Variants in UGT1A10 observed in about 807,000 individuals in gnomAD.
UGT1A10 encodes UDP-glucuronosyltransferase 1A10.
Under a neutral mutation model 45.8 loss-of-function variants are expected in UGT1A10, and 49 were observed. That is an observed-to-expected ratio of 1.07 (90% CI 0.85 to 1.36). UGT1A10 has a LOEUF of 1.36. UGT1A10 is among the 40% of genes most tolerant of loss of function. The pLI, the probability that UGT1A10 is intolerant of heterozygous loss-of-function variation, is 0.00. For synonymous variants in UGT1A10, 284 were observed against 249.7 expected (o/e 1.14, Z -1.29); for missense variants, 745 against 668.6 (o/e 1.11, Z -1.26).
chr2:233,641,204 G>T (rs2073443272), intron 1 of UGT1A10, among the ~76,000 whole-genome samples: 1 of 152,070 alleles, frequency 6.6e-6, no homozygotes, highest in South Asian at 2.1e-4. Context: ...TAATAAATCT[G>T]CCTTTCTTTA....
rs760166727 is a variant in UGT1A10 at position 233,760,242 on chromosome 2, A to G, written c.856-6792A>G. ...ATCGATTGGTTTTTGCCATATATAT[A>G]TATATAAGTAGGAGAGGGCGAACCT... On this transcript the variant is annotated intron_variant, in intron 1 of 4. Coordinates refer to ENST00000344644, the MANE Select transcript of UGT1A10 (RefSeq NM_019075.4). The G allele has an allele frequency of 7.2e-5, 116 of 1,607,556 alleles. 3 individuals carry two copies. The Admixed American group carries it at 1.9e-3, about 26-fold the overall frequency.
chr2:233,733,827 G>A (rs1305233298), intron 1 of UGT1A10, among the ~76,000 whole-genome samples: 1 of 152,118 alleles, frequency 6.6e-6, no homozygotes, highest in African/African-American at 2.4e-5. Flanking sequence ...CATAAAATGA[G>A]TTAGGGAGGA....
At chr2:233,669,128 T>C (rs2074132714) in intron 1 of UGT1A10, among the ~76,000 whole-genome samples, 1 of 152,218 alleles carries the variant, frequency 6.6e-6, no homozygotes, top group Non-Finnish European at 1.5e-5. Flanking sequence ...CTGTGCACCT[T>C]TGAAAAAACT....
intron 1 of UGT1A10, chr2:233,682,579 G>C: frequency 6.2e-7 from 1 of 1,613,874 alleles, no homozygotes; most frequent in Non-Finnish European, 8.5e-7. Context: ...TCATGCACTT[G>C]GAGGAACATT....
rs529320907 is a variant in UGT1A10 at position 233,713,045 on chromosome 2, T to C, written c.856-53989T>C. The C allele has an allele frequency of 6.2e-6, 10 of 1,614,044 alleles. No homozygotes were observed. The Admixed American group carries it at 6.7e-5, about 11-fold the overall frequency. ...CGCAGCTGGCCACAGGACTGCTGCT[T>C]CTCCTCAGTGTCCAGCCCTGGGCTG... On this transcript the variant is annotated intron_variant, in intron 1 of 4. Coordinates refer to ENST00000344644, the MANE Select transcript of UGT1A10 (RefSeq NM_019075.4).
chr2:233,761,518 T>G (rs780967719), intron 1 of UGT1A10, among the ~76,000 whole-genome samples: 1 of 152,242 alleles, frequency 6.6e-6, no homozygotes, highest in Non-Finnish European at 1.5e-5. Flanking sequence ...GCAGGCAATG[T>G]TCAGGACTGA....
chr2:233,663,492 TG>T (rs1213880247), intron 1 of UGT1A10, among the ~76,000 whole-genome samples: 1 of 152,094 alleles, frequency 6.6e-6, no homozygotes, highest in Non-Finnish European at 1.5e-5. Context: ...TGGTGCCAGC[TG>T]ATCCATCAAG....
chr2:233,762,295 C>T (rs898920191), intron 1 of UGT1A10, among the ~76,000 whole-genome samples: 2 of 152,172 alleles, frequency 1.3e-5, no homozygotes, highest in South Asian at 2.1e-4. Context: ...AGGTGCCAAC[C>T]GAGGTCTAGT....
intron 1 of UGT1A10, among the ~76,000 whole-genome samples, chr2:233,641,638 G>A (rs931540313): frequency 6.6e-6 from 1 of 152,088 alleles, no homozygotes; most frequent in African/African-American, 2.4e-5. Context: ...TTGCTCATGA[G>A]CTTCCTTTTC....
At chr2:233,745,811 G>C (rs148112408) in intron 1 of UGT1A10, among the ~76,000 whole-genome samples, 1 of 151,496 alleles carries the variant, frequency 6.6e-6, no homozygotes, top group East Asian at 1.9e-4. Flanking sequence ...CCAGAGTTTT[G>C]AGAGCAAGGC....
At chr2:233,649,172 GTT>G in intron 1 of UGT1A10, 1 of 437,426 alleles carries the variant, frequency 2.3e-6, no homozygotes, top group Non-Finnish European at 3.6e-6. Context: ...CCATCCACGT[GTT>G]TGTTGGTTAG....
At chr2:233,666,087 C>A (rs2074070661) in intron 1 of UGT1A10, among the ~76,000 whole-genome samples, 1 of 152,240 alleles carries the variant, frequency 6.6e-6, no homozygotes. Context: ...GAGACTCAGG[C>A]TACTTCCACT....
Position 233,769,821 on chromosome 2 carries a change from C to A in UGT1A10, c.1295+1382C>A. The A allele has an allele frequency of 5.1e-6, 4 of 785,016 alleles. No individual in the cohort carries two copies. The highest frequency in any genetic ancestry group is 7.3e-6 in the Non-Finnish European group (4 of 547,448). 48.6% of individuals were successfully genotyped at this position (785,016 alleles called of 1,614,324 possible). A position where few individuals can be genotyped will look rare whatever the true frequency, so the allele number is the denominator to read the frequency against. On this transcript the variant is annotated intron_variant, in intron 4 of 4. Coordinates refer to ENST00000344644, the MANE Select transcript of UGT1A10 (RefSeq NM_019075.4). The surrounding 1 kb of genome is among the most constrained non-coding windows in gnomAD (Gnocchi z 4.4). ...TATGAGCCGTGATCATGCCACTGCA[C>A]TCCAGCAACCTGGGCAACAGAGTGA...
At chr2:233,732,755 G>GTT (rs956485327) in intron 1 of UGT1A10, among the ~76,000 whole-genome samples, 69 of 120,202 alleles carry the variant, frequency 5.7e-4, no homozygotes, top group African/African-American at 1.5e-3. Context: ...CACCAGCTTT[G>GTT]TTTTTTTTTT....
chr2:233,662,841 T>C (rs1454315667), intron 1 of UGT1A10, among the ~76,000 whole-genome samples: 1 of 151,332 alleles, frequency 6.6e-6, no homozygotes. Flanking sequence ...TTGTCAGATA[T>C]GAATTTTGGA....
chr2:233,772,918 GCAGTTTTAATCTTATCTTTT>G lies in UGT1A10; in HGVS notation c.*360_*379del. 2.7e-6 allele frequency: 1 copy of G among 377,336 alleles called. No homozygotes were observed. The allele number at this position is 377,336 out of a possible 1,614,324, so 23.4% of individuals were successfully genotyped here. A position where few individuals can be genotyped will look rare whatever the true frequency, so the allele number is the denominator to read the frequency against. On this transcript the variant is annotated 3_prime_UTR_variant, in exon 5 of 5. Transcript: ENST00000344644. ...CCCACGGCTGCCCCTACTGCAAATG[GCAGTTTTAATCTTATCTTTT>G]GGCTTCTGCAGATGGTTGCAATTGA...
chr2:233,735,768 A>T (rs1170033276), intron 1 of UGT1A10, among the ~76,000 whole-genome samples: 1 of 152,144 alleles, frequency 6.6e-6, no homozygotes, highest in Non-Finnish European at 1.5e-5. Flanking sequence ...TTCACTTATG[A>T]AGCTTACTTT....
At chr2:233,742,568 G>A (rs1692020087) in intron 1 of UGT1A10, among the ~76,000 whole-genome samples, 1 of 151,798 alleles carries the variant, frequency 6.6e-6, no homozygotes, top group African/African-American at 2.4e-5. Context: ...GCTTCTGGCC[G>A]GAATTGGGGG....
At chr2:233,734,118 T>A (rs2078484158) in intron 1 of UGT1A10, among the ~76,000 whole-genome samples, 1 of 152,034 alleles carries the variant, frequency 6.6e-6, no homozygotes, top group Non-Finnish European at 1.5e-5. Context: ...ATAATAATAA[T>A]AATAAAAAGA....
Sources: allele counts gnomAD v4.1 joint callset (sites outside exome capture counted in the v4.1 genomes callset), GRCh38; gene constraint gnomAD v4.1.1; non-coding constraint Gnocchi (gnomAD v3.1); transcripts MANE v1.5; gene names NCBI Gene and HGNC (gene_info 2026-07-23, HGNC 2026-07-21).